Variants in HSD3B1 observed in about 807,000 individuals in gnomAD.
The protein encoded by HSD3B1 is 3 beta-hydroxysteroid dehydrogenase/Delta 5-->4-isomerase type 1.
In HSD3B1, 11 loss-of-function variants were observed where a neutral mutation model predicts 10.4. That is an observed-to-expected ratio of 1.05 (90% CI 0.66 to 1.75). HSD3B1 has a LOEUF of 1.75. Ranked by LOEUF, HSD3B1 falls within the 40% of genes most tolerant of loss-of-function variation. The probability of loss-of-function intolerance (pLI) is 0.00; values close to 1 mark genes in which losing one functional copy is unlikely to be tolerated. For missense variants in HSD3B1, 490 were observed against 454.5 expected (o/e 1.08, Z -0.71); for synonymous variants, 217 against 185.4 (o/e 1.17, Z -1.39).
At chr1:119,513,732 C>A in intron 3 of HSD3B1, 102 bp from the exon 4 acceptor site, 2 of 1,103,134 alleles carry the variant, frequency 1.8e-6, no homozygotes, top group Non-Finnish European at 2.7e-6. Flanking sequence ...CTGTTACAAC[C>A]ACCATATTTG....
In HSD3B1 at chr1:119,507,563, G is replaced by A; in HGVS notation, c.87G>A (p.Leu29=). ...GCCTCTTGGTGAAGGAGAAGGAGCT[G>A]AAGGAGATCAGGGTCTTGGACAAGG... ...IIRLLVKEKE[L]KEIRVLDKAF... Residue 29 remains leucine (L), a synonymous_variant, in exon 2 of 4, where the codon CTG becomes CTA. Transcript: ENST00000369413. 1 of 1,614,060 alleles carries A rather than the reference G, an allele frequency of 6.2e-7. No homozygotes were observed. Among genetic ancestry groups the A allele is most frequent in the Non-Finnish European group, 8.5e-7 (1 of 1,179,954 alleles).
Position 119,514,298 on chromosome 1 carries a change from G to A in HSD3B1, c.775G>A (p.Asp259Asn). Reference sequence around the variant, plus strand: ...AGGACAGTTCTACTATATCTCAGATGACACGCCTCACCAAAGCTATGATAA... The same window carrying A: ...AGGACAGTTCTACTATATCTCAGATAACACGCCTCACCAAAGCTATGATAA... ...IRGQFYYISD[D>N]TPHQSYDNLN... The change falls in exon 4 of 4, where the codon GAC becomes AAC. Residue 259 changes from aspartate to asparagine, a missense_variant. Transcript: ENST00000369413. 1 of 1,614,082 alleles carries A rather than the reference G, an allele frequency of 6.2e-7. No homozygotes were observed. Among genetic ancestry groups the A allele is most frequent in the Non-Finnish European group, 8.5e-7 (1 of 1,180,008 alleles).
intron 2 of HSD3B1, chr1:119,507,941 G>A: frequency 6.9e-6 from 2 of 289,396 alleles, no homozygotes; most frequent in East Asian, 1.7e-4. Context: ...TTTATGTTCT[G>A]AAGCTTTTGT....
In HSD3B1 at chr1:119,511,740, G is replaced by A. The variant is rs587640184; in HGVS notation, c.310+73G>A. 9 of 1,448,404 alleles carry A rather than the reference G, an allele frequency of 6.2e-6. No individual in the cohort carries two copies. In the Admixed American group the frequency reaches 1.0e-4, roughly 16 times the overall value. 89.7% of individuals were successfully genotyped at this position (1,448,404 alleles called of 1,614,324 possible). ...CACAAAGAAGGGCAGGAAGGGAAGA[G>A]AAGTCCCTCCACTGAACACCTGCTG... On this transcript the variant is annotated intron_variant, in intron 3 of 3. Transcript: ENST00000369413.
At position 119,514,126 on chromosome 1, in the gene HSD3B1, T is replaced by C. The variant is rs758369414; in HGVS notation, c.603T>C (p.Ser201=). The C allele has an allele frequency of 1.5e-5, 24 of 1,614,016 alleles. No homozygotes were observed. Among genetic ancestry groups the C allele is most frequent in the Non-Finnish European group, 2.0e-5 (24 of 1,180,016 alleles). The change falls in exon 4 of 4, where the codon AGT becomes AGC. Residue 201 remains serine, a synonymous_variant. Transcript: ENST00000369413. ...YGEGSRFLSA[S]INEALNNNGI... ...AAGGAAGCCGATTCCTTTCTGCTAGTATAAACGAGGCCCTGAACAACAATG... is the reference window on the plus strand; with the variant it reads ...AAGGAAGCCGATTCCTTTCTGCTAGCATAAACGAGGCCCTGAACAACAATG...
Position 119,514,809 on chromosome 1 carries a change from C to A in HSD3B1, c.*164C>A. On this transcript the variant is annotated 3_prime_UTR_variant, in exon 4 of 4. Transcript: ENST00000369413. ...GTATTCCTCATGTCATCAAAACCTGCGCAGTCATTGGCCCAACAAGAAGGT... is the reference window on the plus strand; with the variant it reads ...GTATTCCTCATGTCATCAAAACCTGAGCAGTCATTGGCCCAACAAGAAGGT... 3 of 753,132 alleles carry A rather than the reference C, an allele frequency of 4.0e-6. No individual in the cohort carries two copies. The highest frequency in any genetic ancestry group is 4.5e-6 in the Non-Finnish European group (2 of 446,844). 46.7% of individuals were successfully genotyped at this position (753,132 alleles called of 1,614,324 possible).
chr1:119,507,764 T>C lies in HSD3B1; in HGVS notation c.145+143T>C. On this transcript the variant is annotated intron_variant, in intron 2 of 3. Coordinates refer to ENST00000369413, the MANE Select transcript of HSD3B1 (RefSeq NM_000862.3). ...ACATCCAAAGTCATCAAGAAATAAA[T>C]ATTAAATAGTATAAAATGGCATAGT... 2.5e-6 allele frequency: 2 copies of C among 796,462 alleles called. 1 individual carries two copies. The highest frequency in any genetic ancestry group is 3.3e-5 in the South Asian group (2 of 60,442). The allele number at this position is 796,462 out of a possible 1,614,324, so 49.3% of individuals were successfully genotyped here.
intron 3 of HSD3B1, among the ~76,000 whole-genome samples, chr1:119,512,143 C>T (rs770383353): frequency 7.9e-5 from 12 of 152,158 alleles, no homozygotes; most frequent in Non-Finnish European, 1.2e-4. Flanking sequence ...TCCTGCCCAC[C>T]TCAAACAAAA....
intron 2 of HSD3B1, among the ~76,000 whole-genome samples, chr1:119,509,467 T>C (rs1016288453): frequency 6.6e-6 from 1 of 152,092 alleles, no homozygotes; most frequent in Non-Finnish European, 1.5e-5. Flanking sequence ...TGGGGAAGAG[T>C]CCTTTTCTCT....
rs1404067124 is a variant in HSD3B1 at position 119,507,374 on chromosome 1, T to G, written c.-85-18T>G. Reference sequence around the variant, plus strand: ...AGGCATCTGTGTGAGTATATAACCATTTGACATCTCTTTTTAGCCCTCTCC... The same window carrying G: ...AGGCATCTGTGTGAGTATATAACCAGTTGACATCTCTTTTTAGCCCTCTCC... On this transcript the variant is annotated intron_variant, in intron 1 of 3. Transcript: ENST00000369413. The G allele has an allele frequency of 8.2e-7, 1 of 1,221,400 alleles. No homozygotes were observed. Among genetic ancestry groups the G allele is most frequent in the Non-Finnish European group, 1.2e-6 (1 of 837,242 alleles). 75.7% of individuals were successfully genotyped at this position (1,221,400 alleles called of 1,614,324 possible).
rs781735647 is a variant in HSD3B1 at position 119,511,632 on chromosome 1, C to T, written c.275C>T (p.Thr92Ile). Residue 92 changes from threonine to isoleucine, a missense_variant, in exon 3 of 4, where the codon ACT becomes ATT. Physicochemically the swap from Thr to Ile is moderately conservative, Grantham distance 89. Coordinates refer to ENST00000369413, the MANE Select transcript of HSD3B1 (RefSeq NM_000862.3). ...TACIIDVFGV[T>I]HRESIMNVNV... ...TGTATCATTGATGTCTTCGGTGTCA[C>T]TCACAGAGAGTCTATCATGAATGTC... The T allele has an allele frequency of 5.0e-6, 8 of 1,613,622 alleles. No homozygotes were observed. The highest frequency in any genetic ancestry group is 8.5e-7 in the Non-Finnish European group (1 of 1,179,726).
chr1:119,514,610 C>T lies in HSD3B1; in HGVS notation c.1087C>T (p.Arg363Trp), dbSNP rs368595612. ...TVEWVGSLVD[R>W]HKETLKSKTQ is the part of the protein sequence containing the mutation. ...GGAGTGGGTTGGTTCCCTTGTGGACCGGCACAAGGAGACCCTGAAGTCCAA... is the reference window on the plus strand; with the variant it reads ...GGAGTGGGTTGGTTCCCTTGTGGACTGGCACAAGGAGACCCTGAAGTCCAA... Residue 363 changes from arginine (R) to tryptophan (W), a missense_variant, in exon 4 of 4, where the codon CGG becomes TGG. Coordinates refer to ENST00000369413, the MANE Select transcript of HSD3B1 (RefSeq NM_000862.3). 9.1e-5 allele frequency: 147 copies of T among 1,613,562 alleles called. 1 individual carries two copies. Among genetic ancestry groups the T allele is most frequent in the Non-Finnish European group, 1.2e-4 (136 of 1,179,948 alleles).
Position 119,514,299 on chromosome 1 carries a change from A to G in HSD3B1, c.776A>G (p.Asp259Gly), listed in dbSNP as rs1226015035. ...GGACAGTTCTACTATATCTCAGATG[A>G]CACGCCTCACCAAAGCTATGATAAC... ...IRGQFYYISDDTPHQSYDNLN... is the reference protein window; with the variant it reads ...IRGQFYYISDGTPHQSYDNLN... The change falls in exon 4 of 4, where the codon GAC becomes GGC. Residue 259 changes from aspartate (D) to glycine (G), a missense_variant. Asp to Gly is a moderately conservative substitution (Grantham distance 94). Transcript: ENST00000369413. 6.2e-7 allele frequency: 1 copy of G among 1,614,000 alleles called. No individual in the cohort carries two copies. The highest frequency in any genetic ancestry group is 8.5e-7 in the Non-Finnish European group (1 of 1,180,006).
rs1654021332 is a variant in HSD3B1, at chr1:119,513,974, T to C, written c.451T>C (p.Trp151Arg). Residue 151 changes from tryptophan to arginine, a missense_variant, in exon 4 of 4, where the codon TGG becomes CGG. By Grantham distance (101) the Trp-to-Arg change is moderately radical (BLOSUM62 -3). Coordinates refer to ENST00000369413, the MANE Select transcript of HSD3B1 (RefSeq NM_000862.3). ...GHEEEPLENT[W>R]PAPYPHSKKL... ...TGAAGAAGAGCCTCTGGAAAACACA[T>C]GGCCCGCTCCATACCCACACAGCAA... 2 of 1,614,048 alleles carry C rather than the reference T, an allele frequency of 1.2e-6. No homozygotes were observed. Among genetic ancestry groups the C allele is most frequent in the Non-Finnish European group, 1.7e-6 (2 of 1,179,978 alleles).
chr1:119,514,699 T>C lies in HSD3B1; in HGVS notation c.*54T>C. 1.3e-6 allele frequency: 2 copies of C among 1,581,028 alleles called. No individual in the cohort carries two copies. Among genetic ancestry groups the C allele is most frequent in the Non-Finnish European group, 1.7e-6 (2 of 1,158,766 alleles). On this transcript the variant is annotated 3_prime_UTR_variant, in exon 4 of 4. Transcript: ENST00000369413. ...GTATTGTTAGGAGATGTCATCAAGCTCCACCCTCCTGGCCTCATACAGAAA... is the reference window on the plus strand; with the variant it reads ...GTATTGTTAGGAGATGTCATCAAGCCCCACCCTCCTGGCCTCATACAGAAA...
Position 119,513,970 on chromosome 1 carries a change from C to T in HSD3B1, c.447C>T (p.Asn149=). The T allele has an allele frequency of 6.2e-7, 1 of 1,614,106 alleles. No homozygotes were observed. The highest frequency in any genetic ancestry group is 8.5e-7 in the Non-Finnish European group (1 of 1,180,000). ...QNGHEEEPLE[N]TWPAPYPHSK... ...GCCATGAAGAAGAGCCTCTGGAAAA[C>T]ACATGGCCCGCTCCATACCCACACA... is the stretch of plus-strand genomic sequence containing the variant. Residue 149 remains asparagine, a synonymous_variant, in exon 4 of 4, where the codon AAC becomes AAT. Transcript: ENST00000369413.
intron 2 of HSD3B1, 58 bp downstream of exon 2, chr1:119,507,679 G>T (rs1238203670): frequency 1.9e-6 from 3 of 1,553,368 alleles, no homozygotes; most frequent in Non-Finnish European, 2.7e-6. Flanking sequence ...ATGTATGTGG[G>T]GGGAGATGGA....
At chr1:119,510,717 C>CCT (rs1653909499) in intron 2 of HSD3B1, among the ~76,000 whole-genome samples, 1 of 54,134 alleles carries the variant, frequency 1.8e-5, no homozygotes, top group Non-Finnish European at 3.6e-5. Context: ...GTGTGGTTTT[C>CCT]TTTTTTTTTT....
In HSD3B1 at chr1:119,514,515, A is replaced by T. The variant is rs193115946; in HGVS notation, c.992A>T (p.Tyr331Phe). Residue 331 changes from tyrosine to phenylalanine, a missense_variant, in exon 4 of 4, where the codon TAT becomes TTT. Transcript: ENST00000369413. ...TLSNSVFTFS[Y>F]KKAQRDLAYK... is the part of the protein sequence containing the mutation. ...TCAAATAGCGTATTCACCTTCTCTT[A>T]TAAGAAGGCTCAGCGAGATCTGGCG... 3.7e-6 allele frequency: 6 copies of T among 1,614,016 alleles called. No individual in the cohort carries two copies. Among genetic ancestry groups the T allele is most frequent in the Non-Finnish European group, 5.1e-6 (6 of 1,179,970 alleles).
Sources: gnomAD v4.1 joint callset for allele counts (sites outside exome capture counted in the v4.1 genomes callset) on GRCh38, gnomAD v4.1.1 for gene constraint, MANE v1.5 for transcripts, NCBI Gene and HGNC (gene_info 2026-07-23, HGNC 2026-07-21) for gene names.